CAMTA1: variants seen among roughly 807,000 people sequenced by gnomAD.
The protein encoded by CAMTA1 is calmodulin-binding transcription activator 1.
In CAMTA1, 27 loss-of-function variants were observed where a neutral mutation model predicts 170.9. That is an observed-to-expected ratio of 0.16 (90% CI 0.12 to 0.22). CAMTA1 has a LOEUF of 0.22. CAMTA1 is among the 10% of genes least tolerant of loss of function. CAMTA1 has a pLI of 1.00. For synonymous variants in CAMTA1, 833 were observed against 891.5 expected (o/e 0.93, Z 1.17); for missense variants, 1,619 against 2,217.2 (o/e 0.73, Z 5.42).
intron 3 of CAMTA1, among the ~76,000 whole-genome samples, chr1:7,002,042 G>A (rs146461790): frequency 0.021 from 3,180 of 151,898 alleles, 43 homozygotes; most frequent in Non-Finnish European, 0.031. Flanking sequence ...GATTACAGGC[G>A]CCTACCACCA....
At chr1:7,617,646 A>T (rs927308473) in intron 6 of CAMTA1, among the ~76,000 whole-genome samples, 19 of 152,058 alleles carry the variant, frequency 1.2e-4, no homozygotes, top group Admixed American at 3.9e-4. Flanking sequence ...GGGGTGCCAG[A>T]TGTCTCAATG....
At chr1:7,244,130 A>G (rs556373068) in intron 4 of CAMTA1, among the ~76,000 whole-genome samples, 3,027 of 152,318 alleles carry the variant, frequency 0.02, 86 homozygotes, top group African/African-American at 0.068. Flanking sequence ...GCCAAAAAAC[A>G]CATGAAAAAA....
rs549973403 is a variant in CAMTA1, at chr1:7,157,863, G to A, written c.302+66492G>A. 7.9e-5 allele frequency among the ~76,000 whole-genome samples: 12 copies of A among 152,194 alleles called. No homozygotes were observed. In the East Asian group the frequency reaches 2.3e-3, roughly 29 times the overall value. Reference sequence around the variant, plus strand: ...ACAGAATGCTGCCCTGCAATAAAGAGAAACACATTTTGGGGGCCGGGCGCG... The same window carrying A: ...ACAGAATGCTGCCCTGCAATAAAGAAAAACACATTTTGGGGGCCGGGCGCG... On this transcript the variant is annotated intron_variant, in intron 4 of 22. Transcript: ENST00000303635.
At chr1:6,803,355 T>A (rs1056796172) in intron 1 of CAMTA1, among the ~76,000 whole-genome samples, 1 of 152,224 alleles carries the variant, frequency 6.6e-6, no homozygotes, top group Non-Finnish European at 1.5e-5. Flanking sequence ...TTTAAGTGTA[T>A]GTGGCTGCCT....
intron 3 of CAMTA1, among the ~76,000 whole-genome samples, chr1:6,835,408 G>GAGAAGCT (rs1310414106): frequency 1.3e-5 from 2 of 152,186 alleles, no homozygotes; most frequent in Non-Finnish European, 2.9e-5. Flanking sequence ...TTCCGTAAAG[G>GAGAAGCT]AGAAGCTGAG....
chr1:7,036,699 C>A (rs557544638), intron 3 of CAMTA1, among the ~76,000 whole-genome samples: 3 of 152,238 alleles, frequency 2.0e-5, no homozygotes, highest in Non-Finnish European at 4.4e-5. Context: ...ATTTCTCTTT[C>A]AGCTCTTCTT....
At chr1:6,916,214 C>T (rs1680750438) in intron 3 of CAMTA1, among the ~76,000 whole-genome samples, 1 of 152,134 alleles carries the variant, frequency 6.6e-6, no homozygotes, top group Non-Finnish European at 1.5e-5. Context: ...TCTCACCCTG[C>T]CTGGGCTGGA....
chr1:7,700,697 G>A (rs1292282453), intron 11 of CAMTA1: 1 of 152,206 alleles, frequency 6.6e-6, no homozygotes, highest in East Asian at 1.9e-4. Context: ...GGCTCTTAAA[G>A]CTTCTATCTG....
intron 5 of CAMTA1, among the ~76,000 whole-genome samples, chr1:7,358,137 G>A (rs899052284): frequency 1.3e-5 from 2 of 152,190 alleles, no homozygotes. Context: ...CAAATAAAGA[G>A]GTTAATTGGA....
chr1:7,537,785 G>GC (rs34809710), intron 6 of CAMTA1, among the ~76,000 whole-genome samples: 1 of 152,188 alleles, frequency 6.6e-6, no homozygotes, highest in African/African-American at 2.4e-5. Flanking sequence ...TTCAGCAAAT[G>GC]CCCCCAAACC....
chr1:7,586,683 G>A (rs550311613), intron 6 of CAMTA1, among the ~76,000 whole-genome samples: 3 of 152,260 alleles, frequency 2.0e-5, no homozygotes, highest in South Asian at 2.1e-4. Context: ...CACACCAGCC[G>A]ACACGGTCTC....
rs1207644371 is a variant in CAMTA1 at position 7,561,361 on chromosome 1, G to A, written c.511-79039G>A. On this transcript the variant is annotated intron_variant, in intron 6 of 22. Coordinates refer to ENST00000303635, the MANE Select transcript of CAMTA1 (RefSeq NM_015215.4). This position sits in a 1 kb window ranked among gnomAD's most constrained non-coding sequence, Gnocchi z 5.3. ...TGATGGAGGGACAGAGGGACAGGCA[G>A]AGAGGCCGGCGGGCAGCAGGCCAAT... 1.3e-5 allele frequency among the ~76,000 whole-genome samples: 2 copies of A among 151,926 alleles called. No individual in the cohort carries two copies. Among genetic ancestry groups the A allele is most frequent in the African/African-American group, 4.8e-5 (2 of 41,382 alleles).
At chr1:7,541,714 C>G (rs2094613131) in intron 6 of CAMTA1, among the ~76,000 whole-genome samples, 2 of 152,248 alleles carry the variant, frequency 1.3e-5, no homozygotes, top group Admixed American at 1.3e-4. Context: ...CCACTGCAGC[C>G]TTTGGTTGTT....
At chr1:7,334,373 G>A (rs527836563) in intron 5 of CAMTA1, among the ~76,000 whole-genome samples, 106 of 152,324 alleles carry the variant, frequency 7.0e-4, no homozygotes, top group African/African-American at 2.2e-3. Flanking sequence ...CTGTGGCTGC[G>A]TAAGGGGAAA....
intron 7 of CAMTA1, among the ~76,000 whole-genome samples, chr1:7,652,800 C>T (rs80028244): frequency 6.6e-6 from 1 of 152,164 alleles, no homozygotes; most frequent in Non-Finnish European, 1.5e-5. Context: ...TTCCTCACCT[C>T]CTCCTAGGAG....
At chr1:7,602,801 A>T (rs1450780591) in intron 6 of CAMTA1, among the ~76,000 whole-genome samples, 1 of 152,204 alleles carries the variant, frequency 6.6e-6, no homozygotes, top group Non-Finnish European at 1.5e-5. Flanking sequence ...TTAGTGCTAT[A>T]AATTTCCCTC....
At chr1:7,353,168 A>G (rs2084816304) in intron 5 of CAMTA1, among the ~76,000 whole-genome samples, 1 of 152,216 alleles carries the variant, frequency 6.6e-6, no homozygotes, top group Non-Finnish European at 1.5e-5. Context: ...TGTAACACAG[A>G]GATCATAATT....
intron 3 of CAMTA1, among the ~76,000 whole-genome samples, chr1:6,907,861 A>G (rs1487117873): frequency 6.6e-6 from 1 of 152,116 alleles, no homozygotes; most frequent in Non-Finnish European, 1.5e-5. Flanking sequence ...GACCTGGCGC[A>G]GTTCCAGCCT....
chr1:6,949,113 A>C (rs1688036594), intron 3 of CAMTA1, among the ~76,000 whole-genome samples: 1 of 152,246 alleles, frequency 6.6e-6, no homozygotes, highest in Admixed American at 6.5e-5. Flanking sequence ...CCTTGTGACT[A>C]ATCCACTCTG....
Sources: gnomAD v4.1 joint callset for allele counts (sites outside exome capture counted in the v4.1 genomes callset) on GRCh38, gnomAD v4.1.1 for gene constraint, Gnocchi (gnomAD v3.1) non-coding constraint, MANE v1.5 for transcripts, NCBI Gene and HGNC (gene_info 2026-07-23, HGNC 2026-07-21) for gene names.